DAB1: variants seen among roughly 807,000 people sequenced by gnomAD.
The protein encoded by DAB1 is disabled homolog 1.
DAB1 carries 15 observed loss-of-function variants against 64.6 expected under a neutral mutation model. The ratio of observed to expected loss-of-function variants is 0.23; its 90% CI spans 0.16 to 0.36. The LOEUF is 0.36. Ranked by LOEUF, DAB1 falls within the 10% of genes least tolerant of loss-of-function variation. The probability of loss-of-function intolerance (pLI) is 1.00; values close to 1 mark genes in which losing one functional copy is unlikely to be tolerated. For synonymous variants in DAB1, 235 were observed against 251.9 expected, an observed-to-expected ratio of 0.93 and a Z score of 0.64; for missense variants, 596 against 706.7, an observed-to-expected ratio of 0.84 and a Z score of 1.78.
intron 4 of DAB1, among the ~76,000 whole-genome samples, chr1:58,205,184 C>T (rs7539752): frequency 0.19 from 28,721 of 152,072 alleles, 2,909 homozygotes; most frequent in East Asian, 0.37. Flanking sequence ...AATTCACAGC[C>T]CATGGACAGA....
chr1:57,576,758 T>C (rs1253152786), intron 7 of DAB1, among the ~76,000 whole-genome samples: 1 of 152,128 alleles, frequency 6.6e-6, no homozygotes, highest in African/African-American at 2.4e-5. Flanking sequence ...AAACAAACAA[T>C]AATACAAATT....
chr1:57,940,478 C>T (rs778553259), intron 5 of DAB1, among the ~76,000 whole-genome samples: 13 of 152,226 alleles, frequency 8.5e-5, no homozygotes, highest in Non-Finnish European at 1.6e-4. Context: ...CACAGTTAAA[C>T]AGCAAGTGAA....
chr1:57,343,903 C>T (rs926259623), intron 1 of DAB1, among the ~76,000 whole-genome samples: 12 of 152,332 alleles, frequency 7.9e-5, no homozygotes, highest in South Asian at 2.1e-4. Context: ...CCAGAGTGGG[C>T]GCCAAGGCCA....
chr1:58,238,471 A>G (rs1197380473), intron 4 of DAB1, among the ~76,000 whole-genome samples: 1 of 152,214 alleles, frequency 6.6e-6, no homozygotes, highest in Non-Finnish European at 1.5e-5. Flanking sequence ...GATGGAGTCC[A>G]GAGGAGAGGA....
At chr1:58,237,887 A>T (rs556860935) in intron 4 of DAB1, among the ~76,000 whole-genome samples, 5 of 152,356 alleles carry the variant, frequency 3.3e-5, no homozygotes, top group African/African-American at 1.2e-4. Context: ...TCTTATCATA[A>T]TCAAAATAAT....
chr1:57,696,285 C>G (rs1646844368), intron 6 of DAB1, among the ~76,000 whole-genome samples: 1 of 152,116 alleles, frequency 6.6e-6, no homozygotes, highest in Non-Finnish European at 1.5e-5. Flanking sequence ...AGATGGAAAT[C>G]TGCAAGCAGG....
chr1:58,157,701 A>G (rs1655296043), intron 4 of DAB1, among the ~76,000 whole-genome samples: 2 of 152,188 alleles, frequency 1.3e-5, no homozygotes, highest in African/African-American at 4.8e-5. Flanking sequence ...AGTTGCTGGA[A>G]TCCAGAACCA....
chr1:58,309,084 G>A (rs1297820884), intron 4 of DAB1, among the ~76,000 whole-genome samples: 1 of 152,158 alleles, frequency 6.6e-6, no homozygotes, highest in African/African-American at 2.4e-5. Flanking sequence ...CTTAGCCTTA[G>A]AGCCTCTTTG....
At chr1:57,778,983 A>G (rs1385775583) in intron 6 of DAB1, among the ~76,000 whole-genome samples, 2 of 151,794 alleles carry the variant, frequency 1.3e-5, no homozygotes, top group African/African-American at 2.4e-5. Context: ...AATATTCTAC[A>G]GAACATGGAG....
At chr1:57,576,919 G>C (rs1269101507) in intron 7 of DAB1, among the ~76,000 whole-genome samples, 2 of 152,134 alleles carry the variant, frequency 1.3e-5, no homozygotes, top group Non-Finnish European at 2.9e-5. Flanking sequence ...TCCCCACCCT[G>C]CAGGCTTATC....
chr1:57,453,847 CT>C (rs1013615964), intron 7 of DAB1, among the ~76,000 whole-genome samples: 2 of 151,960 alleles, frequency 1.3e-5, no homozygotes, highest in South Asian at 4.1e-4. Flanking sequence ...GACATTACTT[CT>C]TTTTTTCTCC....
intron 1 of DAB1, among the ~76,000 whole-genome samples, chr1:57,388,501 T>C (rs1682073650): frequency 6.6e-6 from 1 of 152,156 alleles, no homozygotes; most frequent in African/African-American, 2.4e-5. Context: ...ACCCCTCCTT[T>C]CTGTCCAGCC....
chr1:58,536,601 A>G (rs764962661), intron 1 of DAB1: 13 of 872,750 alleles, frequency 1.5e-5, no homozygotes, highest in Non-Finnish European at 2.6e-5. Flanking sequence ...ACTTACTTCC[A>G]GGTGAGTAAA....
At chr1:58,089,400 A>G (rs1259398730) in intron 5 of DAB1, among the ~76,000 whole-genome samples, 1 of 152,244 alleles carries the variant, frequency 6.6e-6, no homozygotes, top group Non-Finnish European at 1.5e-5. Context: ...TATTATTACT[A>G]CTACTATTAT....
At chr1:57,733,925 T>G (rs1413828636) in intron 6 of DAB1, among the ~76,000 whole-genome samples, 5 of 151,956 alleles carry the variant, frequency 3.3e-5, no homozygotes, top group African/African-American at 4.8e-5. Context: ...TCCCAGAAAT[T>G]ATCTTAGGAG....
chr1:57,779,631 T>C (rs1197344778), intron 6 of DAB1, among the ~76,000 whole-genome samples: 1 of 152,208 alleles, frequency 6.6e-6, no homozygotes, highest in Non-Finnish European at 1.5e-5. Context: ...TGAGTGGATA[T>C]GATATGCCAT....
At chr1:57,717,620 C>T (rs191045606) in intron 6 of DAB1, among the ~76,000 whole-genome samples, 4 of 152,170 alleles carry the variant, frequency 2.6e-5, no homozygotes, top group Middle Eastern at 3.4e-3. Context: ...TCTGCACCTC[C>T]GTGTTTATTA....
intron 7 of DAB1, among the ~76,000 whole-genome samples, chr1:57,465,152 G>A (rs1432120882): frequency 6.6e-6 from 1 of 152,126 alleles, no homozygotes; most frequent in African/African-American, 2.4e-5. Flanking sequence ...GAAATGGAGA[G>A]TGAGGGTTTT....
chr1:57,902,021 A>G (rs934143750), intron 5 of DAB1, among the ~76,000 whole-genome samples: 33 of 151,832 alleles, frequency 2.2e-4, no homozygotes, highest in Admixed American at 1.4e-3. Context: ...TGGGCATGGT[A>G]GTGCACATCT....
Sources: gnomAD v4.1 joint callset for allele counts (sites outside exome capture counted in the v4.1 genomes callset) on GRCh38, gnomAD v4.1.1 for gene constraint, MANE v1.5 for transcripts, NCBI Gene and HGNC (gene_info 2026-07-23, HGNC 2026-07-21) for gene names.